The following PCDH15 variants were observed in gnomAD, a reference collection of about 807,000 sequenced individuals.
PCDH15 encodes the protein protocadherin related 15.
In PCDH15, 129 loss-of-function variants were observed where a neutral mutation model predicts 178.5. The observed-to-expected ratio is 0.72, with a 90% CI of 0.63 to 0.84. The LOEUF (loss-of-function observed/expected upper bound fraction) is 0.84. Among genes scored for constraint, PCDH15 ranks in the 40% least tolerant of loss-of-function variants. The probability of loss-of-function intolerance (pLI) is 0.00; values close to 1 mark genes in which losing one functional copy is unlikely to be tolerated. For missense variants in PCDH15, 2,230 were observed against 2,099.9 expected (o/e 1.06, Z -1.21); for synonymous variants, 800 against 732.0 (o/e 1.09, Z -1.50).
intron 1 of PCDH15, among the ~76,000 whole-genome samples, chr10:54,728,075 A>C (rs767363899): frequency 1.4e-4 from 21 of 151,548 alleles, no homozygotes; most frequent in Admixed American, 5.3e-4. Context: ...TCCCTAACTT[A>C]CTCTATGAGG....
At chr10:54,315,936 T>G (rs12779060) in intron 8 of PCDH15, among the ~76,000 whole-genome samples, 3 of 47,254 alleles carry the variant, frequency 6.3e-5, no homozygotes, top group Non-Finnish European at 6.2e-5. Context: ...TGTGTGTTTT[T>G]TTTGTTTGTT....
chr10:54,920,882 A>T (rs1236358812), intron 2 of PCDH15, among the ~76,000 whole-genome samples: 2 of 152,190 alleles, frequency 1.3e-5, no homozygotes, highest in Non-Finnish European at 2.9e-5. Flanking sequence ...AAATGTAATG[A>T]TGAATTATTT....
chr10:54,656,351 G>A (rs575282935), intron 2 of PCDH15, among the ~76,000 whole-genome samples: 4 of 152,052 alleles, frequency 2.6e-5, no homozygotes, highest in Non-Finnish European at 5.9e-5. Flanking sequence ...ATAGGTGGGG[G>A]TGCTTCTCTG....
At chr10:55,532,306 T>C (rs1347785765) in intron 2 of PCDH15, among the ~76,000 whole-genome samples, 1 of 151,984 alleles carries the variant, frequency 6.6e-6, no homozygotes, top group Non-Finnish European at 1.5e-5. Context: ...GATTTAAACC[T>C]TTTTCCTCTA....
intron 2 of PCDH15, among the ~76,000 whole-genome samples, chr10:55,568,941 T>C (rs951556373): frequency 2.6e-5 from 4 of 151,988 alleles, no homozygotes; most frequent in Non-Finnish European, 5.9e-5. Context: ...GTGATGCTAG[T>C]TGAAATCTCT....
At chr10:54,282,530 T>C (rs2058764261) in intron 8 of PCDH15, among the ~76,000 whole-genome samples, 1 of 152,100 alleles carries the variant, frequency 6.6e-6, no homozygotes, top group Non-Finnish European at 1.5e-5. Context: ...ATTATTCAAA[T>C]GTATATTTAA....
chr10:54,714,767 T>C (rs944308598), intron 1 of PCDH15, among the ~76,000 whole-genome samples: 4 of 152,180 alleles, frequency 2.6e-5, no homozygotes, highest in Admixed American at 2.0e-4. Flanking sequence ...ACAGGACTCC[T>C]GTTTTTATTC....
At chr10:55,027,260 G>A (rs368859297) in intron 2 of PCDH15, among the ~76,000 whole-genome samples, 3 of 151,772 alleles carry the variant, frequency 2.0e-5, no homozygotes, top group East Asian at 1.9e-4. Flanking sequence ...AGAACTAGTT[G>A]GCAATCAAAA....
Position 53,919,145 on chromosome 10 carries a change from C to A in PCDH15, c.3374-15775G>T, listed in dbSNP as rs188684380. On this transcript the variant is annotated intron_variant, in intron 25 of 37. Transcript: ENST00000644397. Reference sequence around the variant, plus strand: ...CCAGAATAATCACCCTATATTAAATCCTTAATCCAATTACATCTGGGAAGT... The same window carrying A: ...CCAGAATAATCACCCTATATTAAATACTTAATCCAATTACATCTGGGAAGT... 6.4e-4 allele frequency among the ~76,000 whole-genome samples: 97 copies of A among 152,198 alleles called. 3 individuals carry two copies. The highest frequency in any genetic ancestry group is 2.2e-3 in the African/African-American group (91 of 41,542).
chr10:54,420,633 A>G (rs1264269672), intron 3 of PCDH15, among the ~76,000 whole-genome samples: 1 of 152,018 alleles, frequency 6.6e-6, no homozygotes, highest in Non-Finnish European at 1.5e-5. Context: ...CCCTTTGATT[A>G]CTCTGGGGAG....
rs759573138 is a variant in PCDH15, at chr10:54,325,923, TA to T, written c.705+3672del. Among the ~76,000 whole-genome samples, 161 of 151,880 alleles carry T rather than the reference TA, an allele frequency of 1.1e-3. 1 individual carries two copies. Among genetic ancestry groups the T allele is most frequent in the Admixed American group, 1.9e-3 (29 of 15,210 alleles). On this transcript the variant is annotated intron_variant, in intron 7 of 37. Coordinates refer to ENST00000644397, the MANE Select transcript of PCDH15 (RefSeq NM_001384140.1). ...GACTGTCTCAAAATAAATAAATAAA[TA>T]AGCAAACAAACAAACAAGATAAATG...
At chr10:55,307,015 C>T (rs2132284358) in intron 1 of PCDH15, among the ~76,000 whole-genome samples, 1 of 151,802 alleles carries the variant, frequency 6.6e-6, no homozygotes, top group Non-Finnish European at 1.5e-5. Context: ...TGTATATATA[C>T]ATTAAGCTTC....
intron 1 of PCDH15, among the ~76,000 whole-genome samples, chr10:54,716,076 G>T (rs920442948): frequency 6.6e-6 from 1 of 152,086 alleles, no homozygotes; most frequent in Non-Finnish European, 1.5e-5. Context: ...ACATCTCCTG[G>T]TTCTCACAGG....
chr10:54,396,110 C>G (rs1467667964), intron 3 of PCDH15, among the ~76,000 whole-genome samples: 1 of 152,132 alleles, frequency 6.6e-6, no homozygotes. Flanking sequence ...CCCCTCTAAA[C>G]CGGGGAGGAC....
At chr10:54,687,335 C>T (rs2095031037) in intron 1 of PCDH15, among the ~76,000 whole-genome samples, 2 of 152,048 alleles carry the variant, frequency 1.3e-5, no homozygotes, top group African/African-American at 2.4e-5. Flanking sequence ...AAATTACACT[C>T]TCAGATACAA....
chr10:54,951,269 G>C (rs902173271), intron 2 of PCDH15, among the ~76,000 whole-genome samples: 2 of 151,852 alleles, frequency 1.3e-5, no homozygotes, highest in African/African-American at 4.8e-5. Context: ...AAGTTTTACA[G>C]TCTCCATAGC....
In PCDH15 at chr10:55,614,626, C is replaced by T. The variant is rs183541235; in HGVS notation, c.-156+12999G>A. 4.6e-3 allele frequency among the ~76,000 whole-genome samples: 705 copies of T among 152,220 alleles called. 6 individuals are homozygous for T. Among genetic ancestry groups the T allele is most frequent in the African/African-American group, 0.016 (672 of 41,536 alleles). On this transcript the variant is annotated intron_variant, in intron 2 of 5. Coordinates refer to the PCDH15 transcript ENST00000613346. ...ATTTCCACATAAAATTGTAACATTA[C>T]TATGATCTAAATTTAAATAAAATTT...
In PCDH15 at chr10:53,843,478, A is replaced by T. The variant is rs1589052264; in HGVS notation, c.3807-2982T>A. 2.0e-5 allele frequency among the ~76,000 whole-genome samples: 3 copies of T among 152,158 alleles called. No homozygotes were observed. The East Asian group carries it at 5.8e-4, about 29-fold the overall frequency. ...TTATCTAACCCATAATATTTGTATC[A>T]TACACACACATATCAAGAAAGATGT... is the stretch of plus-strand genomic sequence containing the variant. On this transcript the variant is annotated intron_variant, in intron 28 of 37. Transcript: ENST00000644397.
intron 25 of PCDH15, among the ~76,000 whole-genome samples, chr10:53,912,365 T>C (rs961774288): frequency 6.6e-6 from 1 of 152,116 alleles, no homozygotes; most frequent in African/African-American, 2.4e-5. Context: ...CTGGAAGCAT[T>C]CCCTTTGAAA....
Sources: gnomAD v4.1 joint callset for allele counts (sites outside exome capture counted in the v4.1 genomes callset) on GRCh38, gnomAD v4.1.1 for gene constraint, MANE v1.5 for transcripts, NCBI Gene and HGNC (gene_info 2026-07-23, HGNC 2026-07-21) for gene names.